ZNF790: variants seen among roughly 807,000 people sequenced by gnomAD.
ZNF790 encodes the protein zinc finger protein 790.
In ZNF790, 8 loss-of-function variants were observed where a neutral mutation model predicts 12.1. The observed-to-expected ratio is 0.66, with a 90% confidence interval of 0.39 to 1.19. The LOEUF is 1.19. Among genes scored for constraint, ZNF790 ranks in the 50% most tolerant of loss-of-function variants. ZNF790 has a pLI of 0.01. For missense variants in ZNF790, 707 were observed against 752.2 expected, an observed-to-expected ratio of 0.94 and a Z score of 0.70; for synonymous variants, 252 against 244.3, an observed-to-expected ratio of 1.03 and a Z score of -0.29.
intron 1 of ZNF790, among the ~76,000 whole-genome samples, chr19:36,843,815 C>T (rs1442233580): frequency 6.6e-6 from 1 of 150,926 alleles, no homozygotes; most frequent in African/African-American, 2.4e-5. Context: ...TCGAGACCAG[C>T]CTGACAAATA....
intron 1 of ZNF790, among the ~76,000 whole-genome samples, chr19:36,828,319 C>T (rs1303633166): frequency 1.3e-5 from 2 of 151,902 alleles, no homozygotes; most frequent in South Asian, 2.1e-4. Flanking sequence ...TAAAATTAGC[C>T]GGGCATGGTG....
At chr19:36,831,627 C>G (rs553306311) in intron 1 of ZNF790, among the ~76,000 whole-genome samples, 2 of 152,090 alleles carry the variant, frequency 1.3e-5, no homozygotes, top group East Asian at 3.9e-4. Flanking sequence ...AATTAATGAA[C>G]AGAACAAAAT....
chr19:36,824,146 G>A (rs2071743721), intron 2 of ZNF790, among the ~76,000 whole-genome samples: 2 of 151,566 alleles, frequency 1.3e-5, no homozygotes, highest in Admixed American at 1.3e-4. Context: ...ACAGGCGCCC[G>A]CTACCACGCC....
chr19:36,831,826 G>A (rs765689891), intron 1 of ZNF790, among the ~76,000 whole-genome samples: 10 of 152,030 alleles, frequency 6.6e-5, no homozygotes, highest in Admixed American at 1.3e-4. Flanking sequence ...ATAAATAAAC[G>A]TGATGAAAAG....
upstream of ZNF790, among the ~76,000 whole-genome samples, chr19:36,838,988 C>T (rs1401749895): frequency 6.6e-6 from 1 of 152,232 alleles, no homozygotes; most frequent in African/African-American, 2.4e-5. This position sits in a 1 kb window ranked among gnomAD's most constrained non-coding sequence, Gnocchi z 4.4. Flanking sequence ...ATGCCCAGCC[C>T]TATAGGGGTA....
At position 36,819,335 on chromosome 19, in the gene ZNF790, G is replaced by A. The variant is rs760534928; in HGVS notation, c.1009C>T (p.Pro337Ser). The change falls in exon 5 of 5, where the codon CCT (proline) becomes TCT (serine). Residue 337 changes from proline (P) to serine (S), a missense_variant. By Grantham distance (74) the Pro-to-Ser change is moderately conservative (BLOSUM62 -1). Coordinates refer to ENST00000356725, the MANE Select transcript of ZNF790 (RefSeq NM_206894.4). Reference protein sequence around the residue: ...KHQRIHTGEKPYECKECGKAF... With the variant: ...KHQRIHTGEKSYECKECGKAF... ...TTCCCACACTCCTTACATTCATAAG[G>A]TTTTTCACCAGTGTGAATTCTCTGA... The A allele has an allele frequency of 1.9e-6, 3 of 1,612,350 alleles. No individual in the cohort carries two copies. In the Admixed American group the frequency reaches 5.0e-5, roughly 27 times the overall value.
intron 2 of ZNF790, 77 bp from the exon 3 acceptor site, chr19:36,823,867 A>G: frequency 8.8e-6 from 12 of 1,363,436 alleles, no homozygotes; most frequent in Non-Finnish European, 1.2e-5. Context: ...TGAAAGGGGA[A>G]AGGCTGGAAA....
At chr19:36,822,801 A>G (rs1340297700) in intron 4 of ZNF790, among the ~76,000 whole-genome samples, 2 of 151,322 alleles carry the variant, frequency 1.3e-5, no homozygotes, top group South Asian at 4.2e-4. Flanking sequence ...CGGCCTCCCA[A>G]AGTGCTGCAA....
intron 1 of ZNF790, among the ~76,000 whole-genome samples, chr19:36,831,708 C>G (rs1148402): frequency 2.6e-5 from 4 of 152,116 alleles, no homozygotes; most frequent in South Asian, 4.2e-4. Flanking sequence ...AAACGCAGAG[C>G]ACCTAAAAAT....
chr19:36,827,137 C>CAT (rs1568338007), intron 1 of ZNF790, among the ~76,000 whole-genome samples: 5 of 72,590 alleles, frequency 6.9e-5, no homozygotes, highest in African/African-American at 2.5e-4. Context: ...CACACACACA[C>CAT]ACACATATAT....
At chr19:36,836,932 C>T (rs2072059042) in intron 1 of ZNF790, among the ~76,000 whole-genome samples, 2 of 152,150 alleles carry the variant, frequency 1.3e-5, no homozygotes, top group African/African-American at 2.4e-5. Flanking sequence ...ACTGATCTTG[C>T]AAGACCATCA....
At chr19:36,828,504 T>C (rs2071879435) in intron 1 of ZNF790, among the ~76,000 whole-genome samples, 1 of 151,278 alleles carries the variant, frequency 6.6e-6, no homozygotes, top group South Asian at 2.1e-4. Flanking sequence ...AGGGACAGTG[T>C]CTCAAACTGT....
upstream of ZNF790, among the ~76,000 whole-genome samples, chr19:36,842,557 G>A (rs2072138587): frequency 1.3e-5 from 2 of 151,570 alleles, no homozygotes; most frequent in Admixed American, 1.3e-4. Context: ...ATGAAACAAA[G>A]TTAATAATAT....
rs1335266216 is a variant in ZNF790 at position 36,818,728 on chromosome 19, C to T, written c.1616G>A (p.Cys539Tyr). The T allele has an allele frequency of 3.1e-6, 5 of 1,613,092 alleles. 1 individual carries two copies. The Admixed American group carries it at 8.4e-5, about 27-fold the overall frequency. Residue 539 changes from cysteine to tyrosine, a missense_variant, in exon 5 of 5, where the codon TGT becomes TAT. Transcript: ENST00000356725. ...TGAACCCCAGATAAAAGATTTCCCACATTCTTTACATACGTAAGGTTCCTC... is the reference window on the plus strand; with the variant it reads ...TGAACCCCAGATAAAAGATTTCCCATATTCTTTACATACGTAAGGTTCCTC... The part of the protein sequence containing the change: ...TGEEPYVCKE[C>Y]GKSFIWGSQL...
At chr19:36,827,090 ATGTG>A (rs202143890) in intron 1 of ZNF790, among the ~76,000 whole-genome samples, 3 of 117,886 alleles carry the variant, frequency 2.5e-5, no homozygotes, top group South Asian at 2.5e-4. Context: ...GTGTGTATAT[ATGTG>A]TGTGTGTGTA....
At chr19:36,825,521 A>C in intron 2 of ZNF790, 90 bp downstream of exon 2, 25 of 1,268,856 alleles carry the variant, frequency 2.0e-5, no homozygotes, top group Non-Finnish European at 2.5e-5. Flanking sequence ...ATAGTGATTC[A>C]GGTAAGCAGT....
At position 36,819,093 on chromosome 19, in the gene ZNF790, A is replaced by G. The variant is rs763282094; in HGVS notation, c.1251T>C (p.Thr417=). ...SHLARHQRIH[T]GRKPYECKQC... is the part of the protein sequence containing the mutation. ...GCTTACATTCATAAGGTTTCCTGCC[A>G]GTATGAATTCGCTGATGTCGAGCAA... The change falls in exon 5 of 5, where the codon ACT becomes ACC. Residue 417 remains threonine, a synonymous_variant. Coordinates refer to ENST00000356725, the MANE Select transcript of ZNF790 (RefSeq NM_206894.4). The G allele has an allele frequency of 2.5e-6, 4 of 1,613,582 alleles. No individual in the cohort carries two copies. The highest frequency in any genetic ancestry group is 3.4e-6 in the Non-Finnish European group (4 of 1,179,792).
chr19:36,827,535 C>T (rs2071854264), intron 1 of ZNF790: 1 of 153,484 alleles, frequency 6.5e-6, no homozygotes, highest in East Asian at 1.9e-4. Context: ...TTCTCCGAAA[C>T]AGCACTGGAT....
intron 4 of ZNF790, among the ~76,000 whole-genome samples, chr19:36,822,392 G>T: frequency 1.3e-5 from 2 of 152,224 alleles, no homozygotes; most frequent in Admixed American, 1.3e-4. Flanking sequence ...GAAAAGAATG[G>T]CACTTACCTT....
Sources: gnomAD v4.1 joint callset for allele counts (sites outside exome capture counted in the v4.1 genomes callset) on GRCh38, gnomAD v4.1.1 for gene constraint, Gnocchi (gnomAD v3.1) non-coding constraint, MANE v1.5 for transcripts, NCBI Gene and HGNC (gene_info 2026-07-23, HGNC 2026-07-21) for gene names.